The following ATG2A variants were observed in gnomAD, a reference collection of about 807,000 sequenced individuals.
ATG2A encodes the protein autophagy-related protein 2 homolog A.
ATG2A carries 103 observed loss-of-function variants against 214.2 expected under a neutral mutation model. That is an observed-to-expected ratio of 0.48 (90% CI 0.41 to 0.57). ATG2A has a LOEUF of 0.57. Among genes scored for constraint, ATG2A ranks in the 20% least tolerant of loss-of-function variants. ATG2A has a pLI of 0.00. For missense variants in ATG2A, 2,312 were observed against 2,613.2 expected, an observed-to-expected ratio of 0.88 and a Z score of 2.51; for synonymous variants, 1,160 against 1,142.1, an observed-to-expected ratio of 1.02 and a Z score of -0.32.
In ATG2A at chr11:64,900,638, A is replaced by G. The variant is rs1283163490; in HGVS notation, c.4329-9T>C. On this transcript the variant is annotated splice_polypyrimidine_tract_variant and intron_variant, in intron 30 of 40. Coordinates refer to ENST00000377264, the MANE Select transcript of ATG2A (RefSeq NM_015104.3). ...AGAGGCCAGTTCTTGCCCTGGGAAG[A>G]GGGACAGGGGCCAAGCTGACTCAGA... The G allele has an allele frequency of 2.5e-6, 4 of 1,595,746 alleles. No homozygotes were observed. The highest frequency in any genetic ancestry group is 2.6e-6 in the Non-Finnish European group (3 of 1,170,710).
At chr11:64,905,326 G>A (rs1460192258) in intron 24 of ATG2A, among the ~76,000 whole-genome samples, 1 of 152,114 alleles carries the variant, frequency 6.6e-6, no homozygotes, top group Admixed American at 6.6e-5. Context: ...TCTCTTATTC[G>A]CATATCCTAG....
Position 64,917,127 on chromosome 11 carries a change from T to C in ATG2A, c.9A>G (p.Arg3=). MS[R]WLWPWSNCVK... ...CACAGTTTGACCATGGCCACAGCCATCGTGACATCTCGGAGACCGCCGGGC... is the reference window on the plus strand; with the variant it reads ...CACAGTTTGACCATGGCCACAGCCACCGTGACATCTCGGAGACCGCCGGGC... Residue 3 remains arginine (R), a synonymous_variant, in exon 1 of 41, where the codon CGA becomes CGG. Coordinates refer to ENST00000377264, the MANE Select transcript of ATG2A (RefSeq NM_015104.3). 6.2e-7 allele frequency: 1 copy of C among 1,604,948 alleles called. No homozygotes were observed. Among genetic ancestry groups the C allele is most frequent in the Non-Finnish European group, 8.5e-7 (1 of 1,175,718 alleles).
intron 9 of ATG2A, 57 bp from the exon 10 acceptor site, chr11:64,911,332 G>A (rs1297350552): frequency 8.3e-5 from 129 of 1,560,904 alleles, no homozygotes; most frequent in South Asian, 2.2e-5. Flanking sequence ...ACCCCAGGTG[G>A]AGCAATAGTT....
At chr11:64,900,449 G>A in intron 31 of ATG2A, 45 bp downstream of exon 31, 1 of 1,611,670 alleles carries the variant, frequency 6.2e-7, no homozygotes, top group Non-Finnish European at 8.5e-7. Context: ...AAGGCCCGTT[G>A]TTCTATGACA....
At chr11:64,909,532 G>A (rs1306407298) in intron 14 of ATG2A, 149 bp downstream of exon 14, 15 of 1,443,860 alleles carry the variant, frequency 1.0e-5, no homozygotes, top group Non-Finnish European at 1.2e-5. Flanking sequence ...GAGGAGGCCG[G>A]GGACAGGCAG....
In ATG2A at chr11:64,900,980, T is replaced by C; in HGVS notation, c.4232A>G (p.His1411Arg). Residue 1411 changes from histidine to arginine, a missense_variant, in exon 30 of 41, where the codon CAT becomes CGT. Transcript: ENST00000377264. ...GSTDLLRAPA[H>R]FPVPSTRVVL... is the part of the protein sequence containing the mutation. ...CACCCGAGTGCTGGGCACTGGGAAA[T>C]GGGCAGGTGCCCGCAGCAAGTCCGT... 1.9e-6 allele frequency: 3 copies of C among 1,588,412 alleles called. No individual in the cohort carries two copies. The highest frequency in any genetic ancestry group is 1.7e-4 in the Middle Eastern group (1 of 6,038).
Position 64,901,054 on chromosome 11 carries a change from G to T in ATG2A, c.4158C>A (p.Pro1386=). 6.3e-7 allele frequency: 1 copy of T among 1,582,158 alleles called. No individual in the cohort carries two copies. The highest frequency in any genetic ancestry group is 2.3e-5 in the East Asian group (1 of 42,956). The change falls in exon 30 of 41, where the codon CCC becomes CCA. Residue 1386 remains proline, a synonymous_variant. Transcript: ENST00000377264. The part of the protein sequence containing the change: ...DGEPVVTQLH[P]GPIVVRDGYF... ...AACCGTCCCTCACAACGATGGGGCC[G>T]GGATGCAGCTGTGTCACCACAGGCT...
intron 29 of ATG2A, 51 bp from the exon 30 acceptor site, chr11:64,901,143 C>T (rs1349623119): frequency 3.3e-6 from 5 of 1,519,166 alleles, no homozygotes; most frequent in Non-Finnish European, 4.4e-6. Flanking sequence ...TCCAGCCCAG[C>T]TGCCCCCAGC....
At chr11:64,897,011 G>A in intron 37 of ATG2A, 142 bp from the exon 38 acceptor site, 2 of 1,168,996 alleles carry the variant, frequency 1.7e-6, no homozygotes, top group East Asian at 5.2e-5. Context: ...GTCATGTGCA[G>A]AGGGACTGTG....
intron 9 of ATG2A, 137 bp from the exon 10 acceptor site, chr11:64,911,412 G>A: frequency 2.3e-6 from 2 of 872,424 alleles, no homozygotes; most frequent in South Asian, 1.6e-5. Flanking sequence ...GCTTGGTCAG[G>A]CAGGGGTGAC....
rs1944429727 is a variant in ATG2A at position 64,903,454 on chromosome 11, G to A, written c.3536-90C>T. On this transcript the variant is annotated intron_variant, in intron 25 of 40. Transcript: ENST00000377264. The surrounding 1 kb of genome is among the most constrained non-coding windows in gnomAD (Gnocchi z 4.2). ...GGGGAAGGATCCGGTTGATCCAGGT[G>A]TAGTCCCTGCTGTGCGGGCTACGTG... is the stretch of plus-strand genomic sequence containing the variant. 9.1e-6 allele frequency: 14 copies of A among 1,539,888 alleles called. No homozygotes were observed. Among genetic ancestry groups the A allele is most frequent in the Admixed American group, 3.6e-5 (2 of 55,680 alleles).
chr11:64,897,600 A>G, intron 36 of ATG2A, 71 bp downstream of exon 36: 3 of 1,609,500 alleles, frequency 1.9e-6, no homozygotes, highest in Non-Finnish European at 2.6e-6. Flanking sequence ...CCTGGATGCA[A>G]GACCTGGCCC....
In ATG2A at chr11:64,906,671, G is replaced by A; in HGVS notation, c.2977C>T (p.His993Tyr). ...CLEAEKATLYHRAAVDDYPLP... is the reference protein window; with the variant it reads ...CLEAEKATLYYRAAVDDYPLP... Reference sequence around the variant, plus strand: ...CTGCCCCCAGGCCTCACACCTCGGTGGTAGAGTGTTGCCTTTTCAGCTTCC... The same window carrying A: ...CTGCCCCCAGGCCTCACACCTCGGTAGTAGAGTGTTGCCTTTTCAGCTTCC... Residue 993 changes from histidine to tyrosine, a missense_variant, in exon 20 of 41, where the codon CAC becomes TAC. By Grantham distance (83) the His-to-Tyr change is moderately conservative. Transcript: ENST00000377264. 6.2e-7 allele frequency: 1 copy of A among 1,613,580 alleles called. No individual in the cohort carries two copies. The highest frequency in any genetic ancestry group is 8.5e-7 in the Non-Finnish European group (1 of 1,180,004).
At chr11:64,902,709 A>T in intron 26 of ATG2A, 29 bp from the exon 27 acceptor site, 9 of 1,596,104 alleles carry the variant, frequency 5.6e-6, no homozygotes, top group Non-Finnish European at 7.7e-6. Context: ...GGGAGCAGCT[A>T]TGTGAACACA....
Position 64,907,616 on chromosome 11 carries a change from G to A in ATG2A, c.2556C>T (p.Thr852=), listed in dbSNP as rs1944601349. 3.9e-6 allele frequency: 5 copies of A among 1,286,110 alleles called. No individual in the cohort carries two copies. The East Asian group carries it at 1.0e-4, about 27-fold the overall frequency. The allele number at this position is 1,286,110 out of a possible 1,614,324, so 79.7% of individuals were successfully genotyped here. A position where few individuals can be genotyped will look rare whatever the true frequency, so the allele number is the denominator to read the frequency against. ...LMWEPADLLP[T]PDPAAQPSGF... Reference sequence around the variant, plus strand: ...CCGAGGGCTGGGCGGCGGGGTCGGGGGTGGGAAGCAGATCTGCAGGCTCCC... The same window carrying A: ...CCGAGGGCTGGGCGGCGGGGTCGGGAGTGGGAAGCAGATCTGCAGGCTCCC... The change falls in exon 18 of 41, where the codon ACC becomes ACT. Residue 852 remains threonine, a synonymous_variant. Coordinates refer to ENST00000377264, the MANE Select transcript of ATG2A (RefSeq NM_015104.3).
intron 16 of ATG2A, 99 bp downstream of exon 16, chr11:64,908,892 C>T (rs1230777624): frequency 3.4e-5 from 47 of 1,400,272 alleles, no homozygotes; most frequent in Non-Finnish European, 4.0e-5. Flanking sequence ...CCCAGGTGGT[C>T]GTGCTGCCCT....
rs374503749 is a variant in ATG2A, at chr11:64,897,729, G to A, written c.5009C>T (p.Thr1670Met). The A allele has an allele frequency of 7.3e-5, 118 of 1,614,116 alleles. No homozygotes were observed. The highest frequency in any genetic ancestry group is 6.6e-4 in the Middle Eastern group (4 of 6,084). The change falls in exon 36 of 41, where the codon ACG (threonine) becomes ATG (methionine). Residue 1670 changes from threonine to methionine, a missense_variant. By Grantham distance (81) the Thr-to-Met change is moderately conservative. Coordinates refer to ENST00000377264, the MANE Select transcript of ATG2A (RefSeq NM_015104.3). ...QPIYFREFRF[T>M]SEVPIWLDYH... ...ATCCAGCCAGATGGGGACCTCAGACGTGAAGCGGAACTCTCTGGGTAGGGG... is the reference window on the plus strand; with the variant it reads ...ATCCAGCCAGATGGGGACCTCAGACATGAAGCGGAACTCTCTGGGTAGGGG...
Position 64,906,516 on chromosome 11 carries a change from G to T in ATG2A, c.3001C>A (p.Pro1001Thr). 1.2e-6 allele frequency: 2 copies of T among 1,613,100 alleles called. No individual in the cohort carries two copies. The highest frequency in any genetic ancestry group is 1.7e-6 in the Non-Finnish European group (2 of 1,179,924). Residue 1001 changes from proline to threonine, a missense_variant, in exon 21 of 41, where the codon CCG (proline) becomes ACG (threonine). Pro to Thr is a conservative substitution (Grantham distance 38). Transcript: ENST00000377264. ...GGAAGGTCCAGGTGACTGGGCAGCG[G>T]GTAGTCATCCACGGCCGCTGGGGAG... The part of the protein sequence containing the change: ...LYHRAAVDDY[P>T]LPSHLDLPSF...
rs1189314793 is a variant in ATG2A, at chr11:64,913,906, C to T, written c.505G>A (p.Val169Met). The T allele has an allele frequency of 1.9e-6, 3 of 1,614,046 alleles. No individual in the cohort carries two copies. The highest frequency in any genetic ancestry group is 1.3e-5 in the African/African-American group (1 of 75,046). Residue 169 changes from valine (V) to methionine (M), a missense_variant, in exon 4 of 41, where the codon GTG (valine) becomes ATG (methionine). Transcript: ENST00000377264. The surrounding 1 kb of genome is among the most constrained non-coding windows in gnomAD (Gnocchi z 4.3). ...TIETVLRRIK[V>M]TFLDTVVRVE... ...CTCACGACAGTGTCCAGGAAGGTCA[C>T]TTTGATCCTCCGAAGCACTGAGGAG...
Sources: allele counts gnomAD v4.1 joint callset (sites outside exome capture counted in the v4.1 genomes callset), GRCh38; gene constraint gnomAD v4.1.1; non-coding constraint Gnocchi (gnomAD v3.1); transcripts MANE v1.5; gene names NCBI Gene and HGNC (gene_info 2026-07-23, HGNC 2026-07-21).